The following KCNIP4 variants were observed in gnomAD, a reference collection of about 807,000 sequenced individuals.
KCNIP4 encodes the protein potassium voltage-gated channel interacting protein 4, also known as Kv channel-interacting protein 4.
KCNIP4 carries 12 observed loss-of-function variants against 34.0 expected under a neutral mutation model. The observed-to-expected ratio is 0.35, with a 90% CI of 0.23 to 0.57. KCNIP4 has a LOEUF of 0.57. Among genes scored for constraint, KCNIP4 ranks in the 20% least tolerant of loss-of-function variants. KCNIP4 has a pLI of 0.83. For missense variants in KCNIP4, 238 were observed against 311.7 expected, an observed-to-expected ratio of 0.76 and a Z score of 1.78; for synonymous variants, 124 against 102.2, an observed-to-expected ratio of 1.21 and a Z score of -1.29.
At chr4:21,603,001 G>C (rs1191449954) in intron 1 of KCNIP4, among the ~76,000 whole-genome samples, 1 of 152,004 alleles carries the variant, frequency 6.6e-6, no homozygotes, top group African/African-American at 2.4e-5. Flanking sequence ...TATCTATTCA[G>C]CTTTGATTAT....
At chr4:21,760,979 TGAG>T (rs2109168549) in intron 1 of KCNIP4, among the ~76,000 whole-genome samples, 1 of 152,330 alleles carries the variant, frequency 6.6e-6, no homozygotes, top group East Asian at 1.9e-4. Flanking sequence ...TTTGCTCATA[TGAG>T]AAAGAACTTA....
At chr4:21,629,939 C>T (rs1577719615) in intron 1 of KCNIP4, among the ~76,000 whole-genome samples, 1 of 137,646 alleles carries the variant, frequency 7.3e-6, no homozygotes, top group East Asian at 2.3e-4. Flanking sequence ...TAGGCTTAAC[C>T]TCCTGGTCTC....
intron 1 of KCNIP4, among the ~76,000 whole-genome samples, chr4:21,174,577 C>T (rs1317063177): frequency 6.6e-6 from 1 of 152,120 alleles, no homozygotes; most frequent in African/African-American, 2.4e-5. Flanking sequence ...CTCTCTGGTA[C>T]TTGACATTTG....
intron 1 of KCNIP4, among the ~76,000 whole-genome samples, chr4:21,545,863 T>C (rs779334447): frequency 3.3e-5 from 5 of 152,306 alleles, no homozygotes; most frequent in South Asian, 2.1e-4. Flanking sequence ...TGTGTCTTTA[T>C]GGTAGAATGA....
chr4:20,817,531 C>G (rs992357291), intron 3 of KCNIP4, among the ~76,000 whole-genome samples: 1 of 152,144 alleles, frequency 6.6e-6, no homozygotes, highest in Non-Finnish European at 1.5e-5. Flanking sequence ...CACCTTCCCC[C>G]TTTTCGCTCC....
intron 3 of KCNIP4, among the ~76,000 whole-genome samples, chr4:20,802,450 G>C (rs369048372): frequency 6.6e-6 from 1 of 151,950 alleles, no homozygotes; most frequent in East Asian, 1.9e-4. Context: ...AGATCAACCA[G>C]ATAGAAAATA....
chr4:21,308,173 A>G (rs1230029368), intron 1 of KCNIP4, among the ~76,000 whole-genome samples: 1 of 152,226 alleles, frequency 6.6e-6, no homozygotes, highest in Non-Finnish European at 1.5e-5. Context: ...AGAGCATCCA[A>G]CAGAAAGAGG....
At chr4:20,788,819 T>C (rs1197424371) in intron 3 of KCNIP4, among the ~76,000 whole-genome samples, 1 of 152,092 alleles carries the variant, frequency 6.6e-6, no homozygotes. Flanking sequence ...TTACACCTTC[T>C]CAGCCACACA....
chr4:21,516,795 G>A (rs186529890), intron 1 of KCNIP4, among the ~76,000 whole-genome samples: 47 of 152,218 alleles, frequency 3.1e-4, no homozygotes, highest in African/African-American at 1.1e-3. Context: ...TGTCTGAAAC[G>A]GTTTAGGAAT....
intron 1 of KCNIP4, among the ~76,000 whole-genome samples, chr4:21,089,752 A>G (rs1746815474): frequency 6.6e-6 from 1 of 152,016 alleles, no homozygotes; most frequent in South Asian, 2.1e-4. Context: ...ACTTCCTTGT[A>G]TTCTCCTAAC....
intron 1 of KCNIP4, among the ~76,000 whole-genome samples, chr4:21,677,106 T>C (rs1409101558): frequency 6.6e-6 from 1 of 151,996 alleles, no homozygotes; most frequent in African/African-American, 2.4e-5. Context: ...AAATGCCAAG[T>C]TAGACATTTT....
At chr4:20,984,241 T>C (rs1736368582) in intron 1 of KCNIP4, among the ~76,000 whole-genome samples, 1 of 152,242 alleles carries the variant, frequency 6.6e-6, no homozygotes, top group South Asian at 2.1e-4. Context: ...GGGAAACGTC[T>C]GTCGGAGAAC....
At chr4:21,413,882 C>G (rs1272585256) in intron 1 of KCNIP4, among the ~76,000 whole-genome samples, 1 of 152,142 alleles carries the variant, frequency 6.6e-6, no homozygotes, top group Non-Finnish European at 1.5e-5. Flanking sequence ...ATTAGTCTTT[C>G]CCCCAAACCA....
chr4:21,475,006 AC>A (rs146145060), intron 1 of KCNIP4, among the ~76,000 whole-genome samples: 17,307 of 97,332 alleles, frequency 0.18, 1,795 homozygotes, highest in East Asian at 0.29. Context: ...ATCTCGAAAA[AC>A]AAAAAAAAAA....
At chr4:21,577,249 T>C (rs1319125579) in intron 1 of KCNIP4, among the ~76,000 whole-genome samples, 1 of 152,184 alleles carries the variant, frequency 6.6e-6, no homozygotes, top group East Asian at 1.9e-4. Flanking sequence ...AATAGTAATC[T>C]CTGTGCCAAT....
intron 1 of KCNIP4, among the ~76,000 whole-genome samples, chr4:21,876,878 A>G (rs1323495440): frequency 6.6e-6 from 1 of 152,084 alleles, no homozygotes. Context: ...TTATGTTAGC[A>G]CACTCTCAAA....
intron 1 of KCNIP4, among the ~76,000 whole-genome samples, chr4:21,751,392 A>C (rs893125296): frequency 1.3e-5 from 2 of 152,082 alleles, no homozygotes; most frequent in African/African-American, 2.4e-5. Flanking sequence ...GTGTTATGAC[A>C]TGGTGTTTAT....
chr4:21,086,299 T>C (rs1227546364), intron 1 of KCNIP4, among the ~76,000 whole-genome samples: 1 of 152,212 alleles, frequency 6.6e-6, no homozygotes, highest in Non-Finnish European at 1.5e-5. Context: ...GCACTCTAGT[T>C]CCACTTCCTG....
At chr4:21,569,037 G>A (rs999470246) in intron 1 of KCNIP4, among the ~76,000 whole-genome samples, 3 of 151,720 alleles carry the variant, frequency 2.0e-5, no homozygotes, top group South Asian at 2.1e-4. Context: ...CATTCAGAGC[G>A]AATCAACCCT....
Sources: allele counts gnomAD v4.1 joint callset (sites outside exome capture counted in the v4.1 genomes callset), GRCh38; gene constraint gnomAD v4.1.1; transcripts MANE v1.5; gene names NCBI Gene and HGNC (gene_info 2026-07-23, HGNC 2026-07-21).